Variants in FERMT2 observed in about 807,000 individuals in gnomAD.
FERMT2 encodes the protein FERM domain containing kindlin 2.
Under a neutral mutation model 82.7 loss-of-function variants are expected in FERMT2, and 15 were observed. The ratio of observed to expected loss-of-function variants is 0.18; its 90% CI spans 0.12 to 0.28. The LOEUF (loss-of-function observed/expected upper bound fraction) is 0.28, where lower values mean the gene tolerates loss of function less well. Among genes scored for constraint, FERMT2 ranks in the 10% least tolerant of loss-of-function variants. The pLI is 1.00. For synonymous variants in FERMT2, 274 were observed against 271.5 expected (o/e 1.01, Z -0.09); for missense variants, 645 against 809.4 (o/e 0.80, Z 2.46).
chr14:52,924,601 G>A (rs1889147351), intron 2 of FERMT2, among the ~76,000 whole-genome samples: 1 of 152,164 alleles, frequency 6.6e-6, no homozygotes, highest in African/African-American at 2.4e-5. Flanking sequence ...TTGCAAGAGA[G>A]TGTGCAAGAA....
chr14:52,874,958 G>C (rs1468311402), intron 8 of FERMT2, among the ~76,000 whole-genome samples: 1 of 152,130 alleles, frequency 6.6e-6, no homozygotes, highest in Non-Finnish European at 1.5e-5. Context: ...AGGAGGCTGA[G>C]GTAGGAAATG....
chr14:52,948,244 G>A (rs544076249), intron 2 of FERMT2, among the ~76,000 whole-genome samples: 1 of 152,252 alleles, frequency 6.6e-6, no homozygotes, highest in African/African-American at 2.4e-5. Flanking sequence ...CATAAGTCAG[G>A]GCTTCAGAAG....
chr14:52,877,618 C>T lies in FERMT2; in HGVS notation c.963+964G>A, dbSNP rs979019283. 2.8e-3 allele frequency among the ~76,000 whole-genome samples: 327 copies of T among 118,136 alleles called. 3 individuals are homozygous for T. The highest frequency in any genetic ancestry group is 9.0e-3 in the African/African-American group (303 of 33,752). 77.5% of individuals were successfully genotyped at this position (118,136 alleles called of 152,430 possible). ...TTTTTTGCTAACCTCACTCCCCATT[C>T]TTGCTTTCTAATGTCAACTTTTTGG... is the stretch of plus-strand genomic sequence containing the variant. On this transcript the variant is annotated intron_variant, in intron 7 of 14. Transcript: ENST00000341590.
chr14:52,903,087 CT>C (rs1392538506), intron 3 of FERMT2, among the ~76,000 whole-genome samples: 3 of 151,696 alleles, frequency 2.0e-5, no homozygotes, highest in African/African-American at 7.3e-5. Context: ...GAAATATCCC[CT>C]GGTCAGAAGT....
chr14:52,882,222 T>A (rs143108849), intron 4 of FERMT2, among the ~76,000 whole-genome samples: 1 of 152,088 alleles, frequency 6.6e-6, no homozygotes, highest in East Asian at 1.9e-4. Flanking sequence ...ACAAATAAAG[T>A]TTTTTTTAAT....
Position 52,864,426 on chromosome 14 carries a change from T to A in FERMT2, c.1577A>T (p.Tyr526Phe). 6.2e-7 allele frequency: 1 copy of A among 1,613,532 alleles called. No individual in the cohort carries two copies. The highest frequency in any genetic ancestry group is 1.1e-5 in the South Asian group (1 of 91,078). Reference sequence around the variant, plus strand: ...CTGCTTGTTCTTATACTTTTTTAGATAGCGGGGAGACACCAAACATTCAGG... The same window carrying A: ...CTGCTTGTTCTTATACTTTTTTAGAAAGCGGGGAGACACCAAACATTCAGG... ...ITPECLVSPR[Y>F]LKKYKNKQIT... The change falls in exon 12 of 15, where the codon TAT becomes TTT. Residue 526 changes from tyrosine to phenylalanine, a missense_variant. By Grantham distance (22) the Tyr-to-Phe change is conservative. Coordinates refer to ENST00000341590, the MANE Select transcript of FERMT2 (RefSeq NM_006832.3).
rs185396458 is a variant in FERMT2, at chr14:52,864,628, G to A, written c.1381-6C>T. ...CAGTGTGCATACTGTTTTTCCTGGA[G>A]AAAAGAAATACTGATGTGTGCAATG... On this transcript the variant is annotated splice_region_variant and splice_polypyrimidine_tract_variant and intron_variant, in intron 11 of 14. Coordinates refer to ENST00000341590, the MANE Select transcript of FERMT2 (RefSeq NM_006832.3). 3 of 1,612,882 alleles carry A rather than the reference G, an allele frequency of 1.9e-6. No homozygotes were observed. In the African/African-American group the frequency reaches 4.0e-5, roughly 21 times the overall value.
chr14:52,871,674 G>A (rs2140088543), intron 10 of FERMT2: 1 of 152,414 alleles, frequency 6.6e-6, no homozygotes, highest in South Asian at 2.1e-4. Flanking sequence ...TAAGCTGTAG[G>A]TCATAGACCT....
intron 10 of FERMT2, among the ~76,000 whole-genome samples, chr14:52,867,497 T>TC (rs772013871): frequency 6.6e-6 from 1 of 152,088 alleles, no homozygotes; most frequent in Non-Finnish European, 1.5e-5. Context: ...CTTTGCAAGG[T>TC]CCCCTTCTTC....
intron 2 of FERMT2, among the ~76,000 whole-genome samples, chr14:52,927,590 T>TAAA (rs1566755584): frequency 8.5e-5 from 1 of 11,806 alleles, no homozygotes; most frequent in African/African-American, 2.5e-4. Context: ...ACCTCATCCC[T>TAAA]ATAAAAAAAA....
At chr14:52,879,428 C>T (rs1356901348) in intron 6 of FERMT2, among the ~76,000 whole-genome samples, 1 of 152,074 alleles carries the variant, frequency 6.6e-6, no homozygotes, top group African/African-American at 2.4e-5. Flanking sequence ...CCAAAATGAG[C>T]ATATCCTTTC....
At chr14:52,887,609 C>A (rs1056833178) in intron 4 of FERMT2, among the ~76,000 whole-genome samples, 2 of 151,894 alleles carry the variant, frequency 1.3e-5, no homozygotes, top group African/African-American at 4.8e-5. Context: ...GAAAGGATTA[C>A]TTGAGGCCAA....
rs764704629 is a variant in FERMT2 at position 52,864,865 on chromosome 14, A to C, written c.1274-12T>G. ...GGTAACTTCACATCCTGTAACAAAA[A>C]ATTTTTATTAAAATGGCTAAATTTA... On this transcript the variant is annotated splice_polypyrimidine_tract_variant and intron_variant, in intron 10 of 14. Transcript: ENST00000341590. 3.4e-6 allele frequency: 5 copies of C among 1,459,240 alleles called. No homozygotes were observed. The highest frequency in any genetic ancestry group is 4.8e-6 in the Non-Finnish European group (5 of 1,052,336). The allele number at this position is 1,459,240 out of a possible 1,614,324, so 90.4% of individuals were successfully genotyped here. A position where few individuals can be genotyped will look rare whatever the true frequency, so the allele number is the denominator to read the frequency against.
chr14:52,931,633 C>A (rs971306096), intron 2 of FERMT2, among the ~76,000 whole-genome samples: 7 of 152,170 alleles, frequency 4.6e-5, no homozygotes, highest in Non-Finnish European at 1.0e-4. Context: ...CTAGAAAGTT[C>A]CTAGCTTGAT....
Position 52,881,121 on chromosome 14 carries a change from C to A in FERMT2, c.770G>T (p.Arg257Ile), listed in dbSNP as rs947321439. ...CTTCACATCTTGTTCCATGAGAGATCTTGAGGAATCAAGCCATCTGGACAA... is the reference window on the plus strand; with the variant it reads ...CTTCACATCTTGTTCCATGAGAGATATTGAGGAATCAAGCCATCTGGACAA... ...KINQGWLDSS[R>I]SLMEQDVKEN... Residue 257 changes from arginine to isoleucine, a missense_variant, in exon 6 of 15, where the codon AGA (arginine) becomes ATA (isoleucine). Coordinates refer to ENST00000341590, the MANE Select transcript of FERMT2 (RefSeq NM_006832.3). 4 of 1,613,354 alleles carry A rather than the reference C, an allele frequency of 2.5e-6. No individual in the cohort carries two copies. The highest frequency in any genetic ancestry group is 3.4e-6 in the Non-Finnish European group (4 of 1,179,598).
At chr14:52,890,394 A>G (rs1886868110) in intron 4 of FERMT2, among the ~76,000 whole-genome samples, 1 of 146,734 alleles carries the variant, frequency 6.8e-6, no homozygotes, top group South Asian at 2.2e-4. Flanking sequence ...CAGTGAGCCG[A>G]GATCGCAGCC....
intron 2 of FERMT2, among the ~76,000 whole-genome samples, chr14:52,920,147 G>A (rs756875421): frequency 3.3e-5 from 5 of 152,134 alleles, no homozygotes; most frequent in Admixed American, 6.5e-5. Context: ...AAGGCAGGTC[G>A]TAACAATAAA....
At chr14:52,860,026 C>T (rs1884821709) in intron 13 of FERMT2, 1 of 278,014 alleles carries the variant, frequency 3.6e-6, no homozygotes, top group Non-Finnish European at 6.7e-6. Context: ...ACCGTGTTAG[C>T]CAGGATGGTC....
intron 2 of FERMT2, chr14:52,927,999 A>C (rs1031421154): frequency 2.6e-6 from 1 of 384,528 alleles, no homozygotes; most frequent in African/African-American, 2.1e-5. Flanking sequence ...TTAAAAAAAG[A>C]AAGTTGATCA....
Sources: allele counts gnomAD v4.1 joint callset (sites outside exome capture counted in the v4.1 genomes callset), GRCh38; gene constraint gnomAD v4.1.1; transcripts MANE v1.5; gene names NCBI Gene and HGNC (gene_info 2026-07-23, HGNC 2026-07-21).